DNAH2: variants seen among roughly 807,000 people sequenced by gnomAD.
DNAH2 encodes dynein axonemal heavy chain 2, also known as axonemal beta dynein heavy chain 2.
A neutral mutation model predicts 523.5 loss-of-function variants in DNAH2; 323 were observed. The observed-to-expected ratio is 0.62, with a 90% CI of 0.56 to 0.68. The LOEUF (loss-of-function observed/expected upper bound fraction) is 0.68. Ranked by LOEUF, DNAH2 falls within the 30% of genes least tolerant of loss-of-function variation. The probability of loss-of-function intolerance (pLI) is 0.00; values close to 1 mark genes in which losing one functional copy is unlikely to be tolerated. For synonymous variants in DNAH2, 2,093 were observed against 2,177.4 expected (o/e 0.96, Z 1.08); for missense variants, 4,907 against 5,701.5 (o/e 0.86, Z 4.49).
chr17:7,756,955 G>A (rs2075858510), intron 12 of DNAH2, 136 bp from the exon 13 acceptor site: 4 of 1,314,958 alleles, frequency 3.0e-6, no homozygotes, highest in Admixed American at 4.0e-5. Context: ...ACAGGCGTGA[G>A]CCACCATACC....
In DNAH2 at chr17:7,798,189, C is replaced by G. The variant is rs143616651; in HGVS notation, c.8263C>G (p.Arg2755Gly). The part of the protein sequence containing the change: ...TRIVRVIGQP[R>G]GNMLLVGIGG... ...GATCGTGCGGGTCATTGGACAGCCT[C>G]GGGGCAACATGCTCCTGGTGGGTAT... is the stretch of plus-strand genomic sequence containing the variant. The change falls in exon 54 of 86, where the codon CGG (arginine) becomes GGG (glycine). Residue 2755 changes from arginine (R) to glycine (G), a missense_variant. Physicochemically the swap from Arg to Gly is moderately radical, Grantham distance 125. Transcript: ENST00000572933. This position sits in a 1 kb window ranked among gnomAD's most constrained non-coding sequence, Gnocchi z 5.5. 1 of 1,609,870 alleles carries G rather than the reference C, an allele frequency of 6.2e-7. No individual in the cohort carries two copies. Among genetic ancestry groups the G allele is most frequent in the Admixed American group, 1.7e-5 (1 of 59,876 alleles).
At position 7,793,214 on chromosome 17, in the gene DNAH2, C is replaced by G. The variant is rs199801210; in HGVS notation, c.7569+9C>G. On this transcript the variant is annotated intron_variant, in intron 48 of 85. Coordinates refer to ENST00000572933, the MANE Select transcript of DNAH2 (RefSeq NM_020877.5). ...CCATCAAGTACATTCGAGTAAGCCT[C>G]GCTAGAGTCTGTTCTTCAGGCCTCT... 3.7e-6 allele frequency: 6 copies of G among 1,610,902 alleles called. No individual in the cohort carries two copies. The African/African-American group carries it at 6.7e-5, about 18-fold the overall frequency.
rs543255458 is a variant in DNAH2, at chr17:7,777,454, C to A, written c.5067C>A (p.Ile1689=). ...GCTGCTTCATGCCACAGGTGTCAAT[C>A]CTGAATAAGTATTCAGAAGCCATCA... ...LKVMKKNQVS[I]LNKYSEAIRG... Residue 1689 remains isoleucine (I), a synonymous_variant, in exon 33 of 86, where the codon ATC becomes ATA. Transcript: ENST00000572933. 1.4e-5 allele frequency: 22 copies of A among 1,614,126 alleles called. No individual in the cohort carries two copies. In the East Asian group the frequency reaches 3.1e-4, roughly 23 times the overall value.
intron 49 of DNAH2, 87 bp from the exon 50 acceptor site, chr17:7,796,377 T>C (rs2077063238): frequency 2.7e-5 from 40 of 1,475,438 alleles, no homozygotes; most frequent in Non-Finnish European, 3.7e-5. Flanking sequence ...CCCCCTTAAA[T>C]TGTGCCCATG....
rs2078139226 is a variant in DNAH2, at chr17:7,830,475, A to G, written c.12029A>G (p.Asn4010Ser). ...QLGWNIIYGF[N>S]DSDFEVSENL... ...GGCTGGAACATCATCTATGGCTTCA[A>G]TGACTCCGACTTTGAGGTTTGCATT... is the stretch of plus-strand genomic sequence containing the variant. The change falls in exon 78 of 86, where the codon AAT (asparagine) becomes AGT (serine). Residue 4010 changes from asparagine to serine, a missense_variant. Physicochemically the swap from Asn to Ser is conservative, Grantham distance 46. Coordinates refer to ENST00000572933, the MANE Select transcript of DNAH2 (RefSeq NM_020877.5). The G allele has an allele frequency of 1.2e-6, 2 of 1,614,200 alleles. No homozygotes were observed. Among genetic ancestry groups the G allele is most frequent in the Non-Finnish European group, 1.7e-6 (2 of 1,180,030 alleles).
At position 7,739,873 on chromosome 17, in the gene DNAH2, G is replaced by T. The variant is rs758890886; in HGVS notation, c.1311G>T (p.Thr437=). Residue 437 remains threonine (T), a synonymous_variant, in exon 9 of 86, where the codon ACG becomes ACT. Transcript: ENST00000572933. The part of the protein sequence containing the change: ...IEDIFHKNLH[T]LRAVRGGILD... ...ACATCTTTCATAAAAATCTGCACAC[G>T]CTGCGAGCCGTTCGCGGGGGTATCC... 1 of 1,613,952 alleles carries T rather than the reference G, an allele frequency of 6.2e-7. No homozygotes were observed. Among genetic ancestry groups the T allele is most frequent in the South Asian group, 1.1e-5 (1 of 91,068 alleles).
chr17:7,740,066 C>T (rs556777483), intron 9 of DNAH2, 128 bp downstream of exon 9: 7 of 283,034 alleles, frequency 2.5e-5, no homozygotes, highest in South Asian at 1.6e-4. Flanking sequence ...GGCGGTGGCC[C>T]GGGGGGGGGG....
chr17:7,761,149 TAGGGGAGGATGGC>T (rs2075994091), intron 18 of DNAH2, among the ~76,000 whole-genome samples: 1 of 152,146 alleles, frequency 6.6e-6, no homozygotes, highest in Non-Finnish European at 1.5e-5. Context: ...AGCAGTTGTC[TAGGGGAGGATGGC>T]AGGGCCTGGT....
At chr17:7,815,027 A>G (rs2077620944) in intron 63 of DNAH2, among the ~76,000 whole-genome samples, 3 of 152,190 alleles carry the variant, frequency 2.0e-5, no homozygotes, top group South Asian at 4.1e-4. Context: ...AAGATTGGCC[A>G]TGCTGGTCTG....
intron 8 of DNAH2, chr17:7,737,910 G>A (rs1427871525): frequency 2.9e-6 from 2 of 696,462 alleles, no homozygotes; most frequent in African/African-American, 3.5e-5. Context: ...ATGCAGAGAA[G>A]GAGTTGGGTG....
chr17:7,796,794 C>A (rs946447087), intron 50 of DNAH2, 142 bp downstream of exon 50: 4 of 1,004,770 alleles, frequency 4.0e-6, no homozygotes, highest in Admixed American at 3.0e-5. Context: ...CTGGCCTTAC[C>A]TTTAAAACTT....
Position 7,794,345 on chromosome 17 carries a change from T to C in DNAH2, c.7661T>C (p.Met2554Thr), listed in dbSNP as rs2077005381. 6.3e-7 allele frequency: 1 copy of C among 1,588,448 alleles called. No individual in the cohort carries two copies. The highest frequency in any genetic ancestry group is 8.6e-7 in the Non-Finnish European group (1 of 1,165,182). The change falls in exon 49 of 86, where the codon ATG becomes ACG. Residue 2554 changes from methionine (M) to threonine (T), a missense_variant. Physicochemically the swap from Met to Thr is moderately conservative, Grantham distance 81. Coordinates refer to ENST00000572933, the MANE Select transcript of DNAH2 (RefSeq NM_020877.5). ...CGGAGTCGCTTCAACATTATCAACA[T>C]GACCTTCCCCACAGTGAGGACCTCA... The part of the protein sequence containing the change: ...RLRSRFNIIN[M>T]TFPTKSQIIR...
Position 7,765,536 on chromosome 17 carries a change from A to G in DNAH2, c.3482A>G (p.His1161Arg). ...GCAGATGACTTCAAGAAGAAAGCAC[A>G]TACACTTCTGGAAGATTTCGAATTC... Reference protein sequence around the residue: ...HSADDFKKKAHTLLEDFEFKG... With the variant: ...HSADDFKKKARTLLEDFEFKG... The change falls in exon 21 of 86, where the codon CAT becomes CGT. Residue 1161 changes from histidine (H) to arginine (R), a missense_variant. Transcript: ENST00000572933. The G allele has an allele frequency of 1.2e-6, 2 of 1,614,028 alleles. No homozygotes were observed. Among genetic ancestry groups the G allele is most frequent in the Non-Finnish European group, 1.7e-6 (2 of 1,179,956 alleles).
chr17:7,729,095 A>T (rs1480745433), intron 4 of DNAH2, among the ~76,000 whole-genome samples: 1 of 152,120 alleles, frequency 6.6e-6, no homozygotes, highest in Non-Finnish European at 1.5e-5. Flanking sequence ...CCGAAAAATT[A>T]AAAAAACCAA....
At chr17:7,794,453 GC>G (rs2075214778) in intron 49 of DNAH2, 95 bp downstream of exon 49, 2 of 1,135,922 alleles carry the variant, frequency 1.8e-6, no homozygotes, top group African/African-American at 3.2e-5. Context: ...GGGGGCTGCG[GC>G]ACCCCAAGTG....
chr17:7,720,036 A>G, intron 2 of DNAH2, 136 bp downstream of exon 2: 3 of 1,090,496 alleles, frequency 2.8e-6, no homozygotes, highest in Non-Finnish European at 1.2e-6. Flanking sequence ...GCCCCCAGCC[A>G]TGGAGGTTCA....
rs1349338085 is a variant in DNAH2, at chr17:7,776,295, G to A, written c.4947+146G>A. Reference sequence around the variant, plus strand: ...AGCCTGGCCAACATGGTGAAACCCCGTCTCTACTAAAAATACAAAAAATTA... The same window carrying A: ...AGCCTGGCCAACATGGTGAAACCCCATCTCTACTAAAAATACAAAAAATTA... On this transcript the variant is annotated intron_variant, in intron 31 of 85. Coordinates refer to ENST00000572933, the MANE Select transcript of DNAH2 (RefSeq NM_020877.5). 11 of 949,330 alleles carry A rather than the reference G, an allele frequency of 1.2e-5. No homozygotes were observed. The East Asian group carries it at 1.8e-4, about 16-fold the overall frequency. 58.8% of individuals were successfully genotyped at this position (949,330 alleles called of 1,614,324 possible).
chr17:7,827,225 A>C (rs1454151698), intron 77 of DNAH2, among the ~76,000 whole-genome samples: 1 of 151,900 alleles, frequency 6.6e-6, no homozygotes, highest in African/African-American at 2.4e-5. Context: ...GGTGAAGAGA[A>C]ATTCTTAATT....
At chr17:7,790,159 C>T (rs753489629) in intron 44 of DNAH2, among the ~76,000 whole-genome samples, 5 of 152,222 alleles carry the variant, frequency 3.3e-5, no homozygotes, top group Non-Finnish European at 5.9e-5. Flanking sequence ...ATATCTGTCA[C>T]GTGCCCTCTG....
Sources: gnomAD v4.1 joint callset for allele counts (sites outside exome capture counted in the v4.1 genomes callset) on GRCh38, gnomAD v4.1.1 for gene constraint, Gnocchi (gnomAD v3.1) non-coding constraint, MANE v1.5 for transcripts, NCBI Gene and HGNC (gene_info 2026-07-23, HGNC 2026-07-21) for gene names.